The following EIF3M variants were observed in gnomAD, a reference collection of about 807,000 sequenced individuals.
EIF3M encodes the protein eukaryotic translation initiation factor 3 subunit M, also known as B5 receptor.
A neutral mutation model predicts 49.7 loss-of-function variants in EIF3M; 25 were observed. That is an observed-to-expected ratio of 0.50 (90% CI 0.37 to 0.70). The LOEUF is 0.70. Among genes scored for constraint, EIF3M ranks in the 30% least tolerant of loss-of-function variants. The pLI is 0.00. For synonymous variants in EIF3M, 156 were observed against 149.8 expected (o/e 1.04, Z -0.30); for missense variants, 350 against 440.0 (o/e 0.80, Z 1.83).
Position 32,590,457 on chromosome 11 carries a change from C to T in EIF3M, c.533+816C>T, listed in dbSNP as rs146810626. Among the ~76,000 whole-genome samples the T allele has an allele frequency of 5.5e-4, 83 of 152,254 alleles. 2 individuals are homozygous for T. The East Asian group carries it at 0.012, about 22-fold the overall frequency. On this transcript the variant is annotated intron_variant, in intron 5 of 10. Coordinates refer to ENST00000531120, the MANE Select transcript of EIF3M (RefSeq NM_006360.6). ...TGCCAGAAACACCCCTCTCATATTT[C>T]GGTTAGTGCCTCCCTTTTACAGCAC... is the stretch of plus-strand genomic sequence containing the variant.
intron 5 of EIF3M, chr11:32,591,797 G>T: frequency 4.6e-6 from 1 of 218,732 alleles, no homozygotes; most frequent in Non-Finnish European, 9.8e-6. Flanking sequence ...TTAGAACCTT[G>T]TGCTACCATA....
chr11:32,606,115 C>G lies in EIF3M; in HGVS notation c.*3716C>G, dbSNP rs1647488864. ...TAGGCTAACAATCTAATGCTGAAAACAAGAATGAAAAACATACCATCTTTT... is the reference window on the plus strand; with the variant it reads ...TAGGCTAACAATCTAATGCTGAAAAGAAGAATGAAAAACATACCATCTTTT... On this transcript the variant is annotated 3_prime_UTR_variant, in exon 11 of 11. Coordinates refer to ENST00000531120, the MANE Select transcript of EIF3M (RefSeq NM_006360.6). 6.6e-6 allele frequency: 1 copy of G among 152,020 alleles called. No homozygotes were observed. Among genetic ancestry groups the G allele is most frequent in the Admixed American group, 6.6e-5 (1 of 15,262 alleles). The allele number at this position is 152,020 out of a possible 1,614,324, so 9.4% of individuals were successfully genotyped here.
In EIF3M at chr11:32,605,138, C is replaced by T. The variant is rs1228602212; in HGVS notation, c.*2739C>T. 2 of 151,738 alleles carry T rather than the reference C, an allele frequency of 1.3e-5. No homozygotes were observed. The highest frequency in any genetic ancestry group is 2.9e-5 in the Non-Finnish European group (2 of 68,044). 9.4% of individuals were successfully genotyped at this position (151,738 alleles called of 1,614,324 possible). Reference sequence around the variant, plus strand: ...AAGTGTTGGGATTACAGGCATGAGCCACCCTGCCCGACCTAGTAATACTTT... The same window carrying T: ...AAGTGTTGGGATTACAGGCATGAGCTACCCTGCCCGACCTAGTAATACTTT... On this transcript the variant is annotated 3_prime_UTR_variant, in exon 11 of 11. Transcript: ENST00000531120.
chr11:32,583,921 G>C lies in EIF3M; in HGVS notation c.34G>C (p.Glu12Gln), dbSNP rs917224709. 4 of 1,613,794 alleles carry C rather than the reference G, an allele frequency of 2.5e-6. No homozygotes were observed. The highest frequency in any genetic ancestry group is 3.4e-6 in the Non-Finnish European group (4 of 1,179,870). The part of the protein sequence containing the change: ...SVPAFIDISE[E>Q]DQAAELRAYL... ...CCCGGCCTTCATCGACATCAGTGAAGAAGATCAGGTGTGCTTCGGTCTACG... is the reference window on the plus strand; with the variant it reads ...CCCGGCCTTCATCGACATCAGTGAACAAGATCAGGTGTGCTTCGGTCTACG... Residue 12 changes from glutamate (E) to glutamine (Q), a missense_variant, in exon 1 of 11, where the codon GAA becomes CAA. Glu to Gln is a conservative substitution (Grantham distance 29). Coordinates refer to ENST00000531120, the MANE Select transcript of EIF3M (RefSeq NM_006360.6).
intron 8 of EIF3M, among the ~76,000 whole-genome samples, chr11:32,597,682 A>G (rs1014423857): frequency 2.0e-5 from 3 of 152,200 alleles, no homozygotes; most frequent in Non-Finnish European, 4.4e-5. Flanking sequence ...GAAAATCTGC[A>G]GTTGAACAGG....
intron 8 of EIF3M, 38 bp from the exon 9 acceptor site, chr11:32,600,651 T>C (rs1855246582): frequency 1.9e-6 from 3 of 1,559,394 alleles, no homozygotes; most frequent in South Asian, 2.5e-5. Flanking sequence ...CTTTAATTAG[T>C]ATGAACACTC....
chr11:32,595,692 ATT>A (rs1182973377), intron 7 of EIF3M, among the ~76,000 whole-genome samples: 1 of 152,230 alleles, frequency 6.6e-6, no homozygotes, highest in African/African-American at 2.4e-5. Context: ...GTATAAATAT[ATT>A]TTGGACTGTT....
intron 2 of EIF3M, 34 bp downstream of exon 2, chr11:32,587,178 T>TA (rs1855014563): frequency 1.3e-6 from 2 of 1,528,914 alleles, no homozygotes; most frequent in South Asian, 1.3e-5. Flanking sequence ...TATTTCCTAA[T>TA]AAAATCTTTT....
chr11:32,589,745 CT>C, intron 5 of EIF3M, 104 bp downstream of exon 5: 1 of 845,346 alleles, frequency 1.2e-6, no homozygotes, highest in African/African-American at 1.7e-5. Context: ...TTACTCTGTT[CT>C]CCACAGAGTT....
intron 5 of EIF3M, chr11:32,592,232 CTGT>C: frequency 2.5e-6 from 1 of 404,498 alleles, no homozygotes; most frequent in East Asian, 6.0e-5. Context: ...ACAACTGCAT[CTGT>C]TGTTTAAAAA....
intron 1 of EIF3M, among the ~76,000 whole-genome samples, chr11:32,585,498 T>A (rs999440360): frequency 2.6e-5 from 4 of 152,198 alleles, no homozygotes; most frequent in Non-Finnish European, 5.9e-5. Context: ...TGGAATTCTT[T>A]ATCTTTTTTT....
intron 5 of EIF3M, among the ~76,000 whole-genome samples, chr11:32,593,133 GTA>G (rs1855128083): frequency 6.6e-6 from 1 of 152,196 alleles, no homozygotes; most frequent in Non-Finnish European, 1.5e-5. Flanking sequence ...TGGGGAGTAA[GTA>G]TTTTTAGAAA....
At chr11:32,602,090 A>C (rs1855277456) in intron 10 of EIF3M, 189 bp from the exon 11 acceptor site, 2 of 991,564 alleles carry the variant, frequency 2.0e-6, no homozygotes. Context: ...TGCTCAGGAG[A>C]ATTAGAAGGC....
rs1446918105 is a variant in EIF3M at position 32,584,076 on chromosome 11, G to A, written c.42+147G>A. 3.7e-6 allele frequency: 4 copies of A among 1,095,576 alleles called. No individual in the cohort carries two copies. The East Asian group carries it at 1.1e-4, about 30-fold the overall frequency. 67.9% of individuals were successfully genotyped at this position (1,095,576 alleles called of 1,614,324 possible). A position where few individuals can be genotyped will look rare whatever the true frequency, so the allele number is the denominator to read the frequency against. ...GAATGGGGAGGCCGGTGGCTGGGGCGCGCGTTCCTGGCCTCGATTCGCACC... is the reference window on the plus strand; with the variant it reads ...GAATGGGGAGGCCGGTGGCTGGGGCACGCGTTCCTGGCCTCGATTCGCACC... On this transcript the variant is annotated intron_variant, in intron 1 of 10. Transcript: ENST00000531120.
intron 5 of EIF3M, among the ~76,000 whole-genome samples, chr11:32,590,455 T>C (rs574172872): frequency 6.6e-6 from 1 of 152,292 alleles, no homozygotes; most frequent in East Asian, 1.9e-4. Flanking sequence ...CCTCTCATAT[T>C]TCGGTTAGTG....
intron 5 of EIF3M, 58 bp downstream of exon 5, chr11:32,589,699 TG>T (rs1855070529): frequency 6.6e-7 from 1 of 1,525,536 alleles, no homozygotes; most frequent in Non-Finnish European, 9.0e-7. Context: ...TAGGTGGGGA[TG>T]TTTTTTAAAG....
chr11:32,597,794 T>G (rs530942815), intron 8 of EIF3M, among the ~76,000 whole-genome samples: 1 of 152,310 alleles, frequency 6.6e-6, no homozygotes, highest in East Asian at 1.9e-4. Context: ...CATTAGAGAT[T>G]GATTATATTT....
At chr11:32,590,079 A>G (rs770126869) in intron 5 of EIF3M, among the ~76,000 whole-genome samples, 1 of 152,218 alleles carries the variant, frequency 6.6e-6, no homozygotes, top group Middle Eastern at 3.2e-3. Context: ...TGTCAGGTAT[A>G]AAAGCACCAT....
At chr11:32,584,061 G>A in intron 1 of EIF3M, 132 bp downstream of exon 1, 1 of 1,257,042 alleles carries the variant, frequency 8.0e-7, no homozygotes, top group Admixed American at 2.3e-5. Flanking sequence ...GAATGGGGAG[G>A]CCGGTGGCTG....
Sources: allele counts gnomAD v4.1 joint callset (sites outside exome capture counted in the v4.1 genomes callset), GRCh38; gene constraint gnomAD v4.1.1; transcripts MANE v1.5; gene names NCBI Gene and HGNC (gene_info 2026-07-23, HGNC 2026-07-21).